The following CCSER1 variants were observed in gnomAD, a reference collection of about 807,000 sequenced individuals.
CCSER1 encodes the protein coiled-coil serine rich protein 1.
Under a neutral mutation model 82.0 loss-of-function variants are expected in CCSER1, and 41 were observed. The ratio of observed to expected loss-of-function variants is 0.50; its 90% CI spans 0.39 to 0.65. The LOEUF (loss-of-function observed/expected upper bound fraction) is 0.65, where lower values mean the gene tolerates loss of function less well. CCSER1 is among the 30% of genes least tolerant of loss of function. The pLI, the probability that CCSER1 is intolerant of heterozygous loss-of-function variation, is 0.00. For synonymous variants in CCSER1, 414 were observed against 383.9 expected (o/e 1.08, Z -0.92); for missense variants, 1,119 against 1,064.2 (o/e 1.05, Z -0.72).
intron 7 of CCSER1, among the ~76,000 whole-genome samples, chr4:90,743,252 C>G (rs928231810): frequency 6.6e-6 from 1 of 152,068 alleles, no homozygotes; most frequent in South Asian, 2.1e-4. Flanking sequence ...GTGGCTGATA[C>G]ATAGCACAGA....
chr4:91,482,817 C>T (rs1758010805), intron 10 of CCSER1, among the ~76,000 whole-genome samples: 2 of 152,238 alleles, frequency 1.3e-5, no homozygotes, highest in South Asian at 4.1e-4. Flanking sequence ...AGCTGGAAAC[C>T]GTCATTCTCA....
intron 10 of CCSER1, among the ~76,000 whole-genome samples, chr4:91,572,462 C>T (rs1206660061): frequency 3.3e-5 from 5 of 152,118 alleles, no homozygotes; most frequent in Admixed American, 3.3e-4. Context: ...AGTTCAATTC[C>T]TGGTTGCCTC....
chr4:90,691,758 T>C (rs1384148987), intron 6 of CCSER1, among the ~76,000 whole-genome samples: 1 of 151,682 alleles, frequency 6.6e-6, no homozygotes, highest in Admixed American at 6.6e-5. Context: ...TATAGGTAAA[T>C]TGCATGTCAC....
intron 10 of CCSER1, among the ~76,000 whole-genome samples, chr4:91,290,201 C>A (rs529050259): frequency 1.3e-5 from 2 of 151,974 alleles, no homozygotes; most frequent in South Asian, 4.1e-4. Flanking sequence ...TGCCAGCAAA[C>A]CTGCACTATG....
intron 9 of CCSER1, among the ~76,000 whole-genome samples, chr4:90,977,596 T>A (rs536106523): frequency 6.6e-6 from 1 of 151,798 alleles, no homozygotes; most frequent in East Asian, 1.9e-4. Flanking sequence ...ACTAGACAGT[T>A]AATTTCCTAT....
intron 9 of CCSER1, among the ~76,000 whole-genome samples, chr4:91,069,687 C>T (rs1291272979): frequency 1.3e-5 from 2 of 152,032 alleles, no homozygotes; most frequent in African/African-American, 2.4e-5. Context: ...AGTGATATGA[C>T]AATAAGCAAG....
intron 6 of CCSER1, among the ~76,000 whole-genome samples, chr4:90,716,275 T>C (rs1025160143): frequency 2.0e-5 from 3 of 151,902 alleles, no homozygotes; most frequent in Non-Finnish European, 2.9e-5. Flanking sequence ...GAATATGTTA[T>C]CCAAATTAAA....
intron 5 of CCSER1, among the ~76,000 whole-genome samples, chr4:90,548,144 A>T (rs6822488): frequency 0.21 from 31,145 of 151,820 alleles, 3,852 homozygotes; most frequent in East Asian, 0.48. Context: ...GAAAAAAAAA[A>T]TTATAATGAC....
At chr4:90,477,595 A>G (rs1216487050) in intron 5 of CCSER1, among the ~76,000 whole-genome samples, 2 of 152,150 alleles carry the variant, frequency 1.3e-5, no homozygotes, top group Non-Finnish European at 2.9e-5. Flanking sequence ...TTGCCTATTC[A>G]CAATATGTGA....
intron 3 of CCSER1, among the ~76,000 whole-genome samples, chr4:90,320,614 T>C (rs1221977178): frequency 6.6e-6 from 1 of 152,170 alleles, no homozygotes; most frequent in African/African-American, 2.4e-5. Flanking sequence ...TGGTCAAATA[T>C]GGGTAAGCGA....
At chr4:90,645,151 C>A (rs1727316450) in intron 6 of CCSER1, among the ~76,000 whole-genome samples, 1 of 151,640 alleles carries the variant, frequency 6.6e-6, no homozygotes, top group African/African-American at 2.4e-5. Context: ...TCAACCTGTA[C>A]TTCTTATCCA....
intron 7 of CCSER1, among the ~76,000 whole-genome samples, chr4:90,787,015 C>T (rs769812303): frequency 4.6e-5 from 7 of 152,168 alleles, no homozygotes; most frequent in African/African-American, 7.2e-5. Flanking sequence ...AAAGAATATT[C>T]CAAAGGATAC....
intron 5 of CCSER1, among the ~76,000 whole-genome samples, chr4:90,545,909 G>C (rs537347611): frequency 1.6e-3 from 239 of 152,156 alleles, no homozygotes; most frequent in Non-Finnish European, 2.8e-3. Context: ...TACACATTAT[G>C]CCTAAAAGGC....
chr4:90,482,056 A>G (rs564307040), intron 5 of CCSER1, among the ~76,000 whole-genome samples: 18 of 152,256 alleles, frequency 1.2e-4, no homozygotes, highest in Middle Eastern at 3.4e-3. Flanking sequence ...AAAGCCTGTT[A>G]TTAGTCTATT....
chr4:91,178,590 T>C (rs564590700), intron 10 of CCSER1, among the ~76,000 whole-genome samples: 1 of 152,312 alleles, frequency 6.6e-6, no homozygotes, highest in East Asian at 1.9e-4. Context: ...TGATCTTTGT[T>C]GGTTTAAAGT....
intron 7 of CCSER1, among the ~76,000 whole-genome samples, chr4:90,772,603 T>G (rs1752346503): frequency 1.3e-5 from 2 of 152,168 alleles, no homozygotes. Context: ...TTTCCATGCA[T>G]GGGCTTAAGT....
intron 5 of CCSER1, among the ~76,000 whole-genome samples, chr4:90,507,939 TATA>T (rs1168936350): frequency 1.3e-5 from 2 of 151,918 alleles, no homozygotes; most frequent in Admixed American, 1.3e-4. Flanking sequence ...TTTATATGGA[TATA>T]ATATTAGTAA....
At chr4:90,365,701 C>CTG (rs1746166940) in intron 3 of CCSER1, among the ~76,000 whole-genome samples, 1 of 151,760 alleles carries the variant, frequency 6.6e-6, no homozygotes, top group African/African-American at 2.4e-5. Flanking sequence ...ATATAAGCAA[C>CTG]TGTTGAACTG....
chr4:90,912,433 T>G (rs935828750), intron 8 of CCSER1, among the ~76,000 whole-genome samples: 2 of 152,158 alleles, frequency 1.3e-5, no homozygotes, highest in African/African-American at 2.4e-5. Flanking sequence ...GGGTGCTGAC[T>G]GTTAGAAGGA....
Sources: gnomAD v4.1 joint callset for allele counts (sites outside exome capture counted in the v4.1 genomes callset) on GRCh38, gnomAD v4.1.1 for gene constraint, MANE v1.5 for transcripts, NCBI Gene and HGNC (gene_info 2026-07-23, HGNC 2026-07-21) for gene names.